XYLT1: variants seen among roughly 807,000 people sequenced by gnomAD.
XYLT1 encodes the protein beta-D-xylosyltransferase 1.
A neutral mutation model predicts 91.3 loss-of-function variants in XYLT1; 36 were observed. The observed-to-expected ratio is 0.39, with a 90% confidence interval of 0.30 to 0.52. The LOEUF is 0.52. Ranked by LOEUF, XYLT1 falls within the 20% of genes least tolerant of loss-of-function variation. The pLI is 0.68. For synonymous variants in XYLT1, 588 were observed against 532.0 expected, an observed-to-expected ratio of 1.11 and a Z score of -1.45; for missense variants, 1,242 against 1,284.5, an observed-to-expected ratio of 0.97 and a Z score of 0.51.
chr16:17,131,397 T>G (rs1488410808), intron 9 of XYLT1, among the ~76,000 whole-genome samples: 1 of 152,210 alleles, frequency 6.6e-6, no homozygotes, highest in African/African-American at 2.4e-5. Flanking sequence ...TCTTTCTTAT[T>G]TAAATACGAT....
intron 6 of XYLT1, among the ~76,000 whole-genome samples, chr16:17,154,899 C>A (rs79086466): frequency 0.024 from 3,646 of 152,312 alleles, 155 homozygotes; most frequent in African/African-American, 0.082. Context: ...CTGTATTTCA[C>A]TGCTTGCCTT....
chr16:17,261,864 T>G (rs2033727491), intron 2 of XYLT1, among the ~76,000 whole-genome samples: 1 of 152,150 alleles, frequency 6.6e-6, no homozygotes, highest in South Asian at 2.1e-4. Context: ...GGAACTGCTT[T>G]TATATCCTGA....
At chr16:17,396,742 G>A (rs998911146) in intron 1 of XYLT1, among the ~76,000 whole-genome samples, 1 of 152,068 alleles carries the variant, frequency 6.6e-6, no homozygotes, top group Non-Finnish European at 1.5e-5. Context: ...GTGGTGGCAG[G>A]TACCTGTAAT....
chr16:17,441,472 T>G (rs1379524888), intron 1 of XYLT1, among the ~76,000 whole-genome samples: 2 of 152,164 alleles, frequency 1.3e-5, no homozygotes, highest in Non-Finnish European at 2.9e-5. Flanking sequence ...TCACAGGCAG[T>G]GGAGCCAAGA....
At chr16:17,466,011 T>C (rs993203711) in intron 1 of XYLT1, among the ~76,000 whole-genome samples, 2 of 152,224 alleles carry the variant, frequency 1.3e-5, no homozygotes, top group African/African-American at 4.8e-5. Context: ...CAGAGGCCTC[T>C]TTCATTGGTG....
chr16:17,148,410 G>A (rs1434368737), intron 6 of XYLT1, among the ~76,000 whole-genome samples: 1 of 152,166 alleles, frequency 6.6e-6, no homozygotes, highest in African/African-American at 2.4e-5. Flanking sequence ...CTCACTAGAT[G>A]TAAGCTGCAA....
Position 17,239,504 on chromosome 16 carries a change from TCATCCATC to T in XYLT1, c.913+19476_913+19483del, listed in dbSNP as rs147770428. On this transcript the variant is annotated intron_variant, in intron 3 of 11. Coordinates refer to ENST00000261381, the MANE Select transcript of XYLT1 (RefSeq NM_022166.4). ...CCATCCACCCACCCAGTCCATCTAT[TCATCCATC>T]CATCCATCCATCCATCCATCCATCC... 1.7e-3 allele frequency among the ~76,000 whole-genome samples: 221 copies of T among 128,328 alleles called. 2 individuals are homozygous for T. The highest frequency in any genetic ancestry group is 0.015 in the East Asian group (57 of 3,882). 84.2% of individuals were successfully genotyped at this position (128,328 alleles called of 152,430 possible). A position where few individuals can be genotyped will look rare whatever the true frequency, so the allele number is the denominator to read the frequency against.
rs1236638992 is a variant in XYLT1, at chr16:17,470,521, C to T, written c.276G>A (p.Gly92=). ...GGGGGGGGGR[G]PQARARGGGP... ...CGCCTCCCCGCGCCCGCGCCTGGGG[C>T]CCCCGTCCTCCTCCTCCTCCGCCGC... is the stretch of plus-strand genomic sequence containing the variant. The change falls in exon 1 of 12, where the codon GGG becomes GGA. Residue 92 remains glycine, a synonymous_variant. Coordinates refer to ENST00000261381, the MANE Select transcript of XYLT1 (RefSeq NM_022166.4). The T allele has an allele frequency of 6.5e-6, 8 of 1,227,334 alleles. No individual in the cohort carries two copies. In the South Asian group the frequency reaches 2.0e-4, roughly 31 times the overall value. The allele number at this position is 1,227,334 out of a possible 1,614,324, so 76.0% of individuals were successfully genotyped here.
intron 1 of XYLT1, among the ~76,000 whole-genome samples, chr16:17,368,162 G>A (rs1264873867): frequency 1.3e-5 from 2 of 152,182 alleles, no homozygotes. Flanking sequence ...ACGATCCCAG[G>A]AGGTGGGGAG....
At chr16:17,327,089 G>C (rs2034815886) in intron 2 of XYLT1, among the ~76,000 whole-genome samples, 1 of 152,178 alleles carries the variant, frequency 6.6e-6, no homozygotes, top group Non-Finnish European at 1.5e-5. Flanking sequence ...TGGACAGCAC[G>C]GGTGGGGAAT....
In XYLT1 at chr16:17,323,036, C is replaced by T. The variant is rs140562625; in HGVS notation, c.402+34976G>A. Among the ~76,000 whole-genome samples, 73 of 152,330 alleles carry T rather than the reference C, an allele frequency of 4.8e-4. No homozygotes were observed. The Middle Eastern group carries it at 0.01, about 21-fold the overall frequency. On this transcript the variant is annotated intron_variant, in intron 2 of 11. Transcript: ENST00000261381. ...CCCAGAGAGGGACAGGGCCATCTGG[C>T]AGGTCCTAGCCAAATACCTCCATGG...
Position 17,107,040 on chromosome 16 carries a change from T to G in XYLT1, c.*1655A>C, listed in dbSNP as rs1966786735. ...TGTGAATAAAGGCAGCTTCAGTTAGTAAGGTAACATAATTGACAAGCTGCA... is the reference window on the plus strand; with the variant it reads ...TGTGAATAAAGGCAGCTTCAGTTAGGAAGGTAACATAATTGACAAGCTGCA... On this transcript the variant is annotated 3_prime_UTR_variant, in exon 12 of 12. Coordinates refer to ENST00000261381, the MANE Select transcript of XYLT1 (RefSeq NM_022166.4). The G allele has an allele frequency of 1.3e-5, 2 of 152,068 alleles. No homozygotes were observed. The highest frequency in any genetic ancestry group is 6.6e-5 in the Admixed American group (1 of 15,256). The allele number at this position is 152,068 out of a possible 1,614,324, so 9.4% of individuals were successfully genotyped here. A position where few individuals can be genotyped will look rare whatever the true frequency, so the allele number is the denominator to read the frequency against.
At chr16:17,131,680 T>C (rs1044471399) in intron 9 of XYLT1, among the ~76,000 whole-genome samples, 4 of 152,188 alleles carry the variant, frequency 2.6e-5, no homozygotes, top group East Asian at 1.9e-4. Context: ...GCAATGCATA[T>C]GTGTTAGTTT....
At chr16:17,467,524 A>G (rs1214153787) in intron 1 of XYLT1, among the ~76,000 whole-genome samples, 1 of 152,234 alleles carries the variant, frequency 6.6e-6, no homozygotes, top group Non-Finnish European at 1.5e-5. Flanking sequence ...TCTAATATTT[A>G]AGAGCTTTAA....
At chr16:17,150,639 C>T (rs2031259043) in intron 6 of XYLT1, among the ~76,000 whole-genome samples, 1 of 152,184 alleles carries the variant, frequency 6.6e-6, no homozygotes, top group Non-Finnish European at 1.5e-5. Context: ...CCAAGACCCA[C>T]ACAGCTGGTG....
chr16:17,371,912 A>G (rs1167917171), intron 1 of XYLT1, among the ~76,000 whole-genome samples: 1 of 152,232 alleles, frequency 6.6e-6, no homozygotes, highest in African/African-American at 2.4e-5. Context: ...ACAGGTATGC[A>G]TGTGTGGTCT....
At chr16:17,179,208 G>A (rs2032011641) in intron 5 of XYLT1, among the ~76,000 whole-genome samples, 1 of 152,144 alleles carries the variant, frequency 6.6e-6, no homozygotes, top group African/African-American at 2.4e-5. Flanking sequence ...AAACAAAGAA[G>A]GGAAGGGTAG....
intron 3 of XYLT1, among the ~76,000 whole-genome samples, chr16:17,225,487 T>C (rs1403794582): frequency 1.3e-5 from 2 of 152,196 alleles, no homozygotes; most frequent in African/African-American, 2.4e-5. Context: ...TGGCTTGTAT[T>C]ACCATCAGCA....
rs371521323 is a variant in XYLT1 at position 17,413,714 on chromosome 16, A to C, written c.364-55664T>G. ...TAGCCTCCCAAAGTGCTGAGATGACAGATTTTCTGTATTGTAGATGCTCTA... is the reference window on the plus strand; with the variant it reads ...TAGCCTCCCAAAGTGCTGAGATGACCGATTTTCTGTATTGTAGATGCTCTA... On this transcript the variant is annotated intron_variant, in intron 1 of 11. Transcript: ENST00000261381. Among the ~76,000 whole-genome samples the C allele has an allele frequency of 4.9e-4, 74 of 152,250 alleles. 2 individuals are homozygous for C. The South Asian group carries it at 8.7e-3, about 18-fold the overall frequency.
Sources: allele counts gnomAD v4.1 joint callset (sites outside exome capture counted in the v4.1 genomes callset), GRCh38; gene constraint gnomAD v4.1.1; transcripts MANE v1.5; gene names NCBI Gene and HGNC (gene_info 2026-07-23, HGNC 2026-07-21).